LRRC8D: variants seen among roughly 807,000 people sequenced by gnomAD.
LRRC8D encodes the protein volume-regulated anion channel subunit LRRC8D.
A neutral mutation model predicts 55.8 loss-of-function variants in LRRC8D; 20 were observed. That is an observed-to-expected ratio of 0.36 (90% CI 0.25 to 0.52). The LOEUF is 0.52. Ranked by LOEUF, LRRC8D falls within the 20% of genes least tolerant of loss-of-function variation. The pLI, the probability that LRRC8D is intolerant of heterozygous loss-of-function variation, is 0.93. For synonymous variants in LRRC8D, 352 were observed against 377.0 expected (o/e 0.93, Z 0.77); for missense variants, 651 against 1,030.8 (o/e 0.63, Z 5.05).
At chr1:89,836,630 A>T (rs1252100658) in intron 1 of LRRC8D, among the ~76,000 whole-genome samples, 1 of 152,254 alleles carries the variant, frequency 6.6e-6, no homozygotes. Context: ...TGTGAAGTTC[A>T]GACCTGAAGT....
intron 1 of LRRC8D, among the ~76,000 whole-genome samples, chr1:89,829,223 C>G (rs1273933557): frequency 6.6e-6 from 1 of 152,242 alleles, no homozygotes; most frequent in Non-Finnish European, 1.5e-5. Context: ...TTAAGAAGTA[C>G]TTGGACAATG....
intron 1 of LRRC8D, among the ~76,000 whole-genome samples, chr1:89,825,483 A>T (rs1660740858): frequency 6.6e-6 from 1 of 152,252 alleles, no homozygotes; most frequent in African/African-American, 2.4e-5. Flanking sequence ...TTGCAGGGTT[A>T]GAGTTGCTTT....
chr1:89,861,227 C>T lies in LRRC8D; in HGVS notation c.-3+17445C>T, dbSNP rs1407110569. ...AGAAAAGCCCATGCTTAAATACCAC[C>T]TCTGTCCCCTGCTAACTGTGTGACC... On this transcript the variant is annotated intron_variant, in intron 2 of 2. Coordinates refer to ENST00000337338, the MANE Select transcript of LRRC8D (RefSeq NM_001134479.2). 3.3e-5 allele frequency among the ~76,000 whole-genome samples: 5 copies of T among 152,332 alleles called. No homozygotes were observed. In the South Asian group the frequency reaches 8.3e-4, roughly 25 times the overall value.
chr1:89,826,071 A>G (rs933520997), intron 1 of LRRC8D, among the ~76,000 whole-genome samples: 1 of 152,164 alleles, frequency 6.6e-6, no homozygotes, highest in South Asian at 2.1e-4. Context: ...GATGAAGGAT[A>G]TTCCAATGAA....
At chr1:89,874,678 A>G (rs1450324282) in intron 2 of LRRC8D, among the ~76,000 whole-genome samples, 1 of 152,208 alleles carries the variant, frequency 6.6e-6, no homozygotes, top group Non-Finnish European at 1.5e-5. Flanking sequence ...ATTATTATCT[A>G]GCAATGATGA....
intron 2 of LRRC8D, among the ~76,000 whole-genome samples, chr1:89,873,775 A>G (rs1662080713): frequency 6.6e-6 from 1 of 152,236 alleles, no homozygotes; most frequent in Non-Finnish European, 1.5e-5. Context: ...CATTCCTGAA[A>G]CAAATTTATA....
At chr1:89,834,043 GCTAGAGTAGGAGGGACA>G (rs1183748278) in intron 1 of LRRC8D, among the ~76,000 whole-genome samples, 1 of 152,192 alleles carries the variant, frequency 6.6e-6, no homozygotes, top group African/African-American at 2.4e-5. Flanking sequence ...AAACAGCCAA[GCTAGAGTAGGAGGGACA>G]CTGACGGGGT....
intron 1 of LRRC8D, among the ~76,000 whole-genome samples, chr1:89,841,326 C>T (rs2100737729): frequency 6.6e-6 from 1 of 151,954 alleles, no homozygotes; most frequent in Non-Finnish European, 1.5e-5. Context: ...CAATTCAAGT[C>T]TGTGAGGTGA....
Position 89,911,765 on chromosome 1 carries a change from G to C in LRRC8D, c.-2-21302G>C, listed in dbSNP as rs990677429. ...GTGACTCTCAGCTGCCAGATCCAGC[G>C]GTCACTTTTGCCCCTTAACGTGCGT... On this transcript the variant is annotated intron_variant, in intron 2 of 2. Transcript: ENST00000337338. The surrounding 1 kb of genome is among the most constrained non-coding windows in gnomAD (Gnocchi z 4.0). 7.2e-5 allele frequency among the ~76,000 whole-genome samples: 11 copies of C among 152,224 alleles called. No homozygotes were observed. Among genetic ancestry groups the C allele is most frequent in the Admixed American group, 2.0e-4 (3 of 15,290 alleles).
chr1:89,843,589 C>T (rs747396825), intron 1 of LRRC8D, 49 bp from the exon 2 acceptor site: 2 of 697,538 alleles, frequency 2.9e-6, no homozygotes, highest in African/African-American at 1.8e-5. Context: ...TCCCCGCTGC[C>T]GACACTTGGA....
In LRRC8D at chr1:89,922,387, C is replaced by A. The variant is rs115680615; in HGVS notation, c.-2-10680C>A. Among the ~76,000 whole-genome samples the A allele has an allele frequency of 3.7e-3, 564 of 152,232 alleles. 4 individuals carry two copies. Among genetic ancestry groups the A allele is most frequent in the African/African-American group, 0.013 (550 of 41,544 alleles). On this transcript the variant is annotated intron_variant, in intron 2 of 2. Coordinates refer to ENST00000337338, the MANE Select transcript of LRRC8D (RefSeq NM_001134479.2). ...GCCAATAATTTTGACTTAAATACAT[C>A]TAAAAGAATAAATAAAATTAAATGC...
chr1:89,821,545 C>T (rs1406373847), intron 1 of LRRC8D, among the ~76,000 whole-genome samples: 1 of 152,124 alleles, frequency 6.6e-6, no homozygotes, highest in Admixed American at 6.5e-5. Flanking sequence ...GCCGCTTCGG[C>T]CCCGGGCGGC....
At chr1:89,844,964 A>G (rs1330434695) in intron 2 of LRRC8D, among the ~76,000 whole-genome samples, 1 of 152,178 alleles carries the variant, frequency 6.6e-6, no homozygotes, top group Admixed American at 6.5e-5. Flanking sequence ...ATGTGAGCAT[A>G]TGACTAGAGG....
intron 1 of LRRC8D, among the ~76,000 whole-genome samples, chr1:89,836,842 C>T (rs1346406239): frequency 6.6e-6 from 1 of 152,152 alleles, no homozygotes; most frequent in Non-Finnish European, 1.5e-5. Context: ...CCTCATTTGC[C>T]CTCTTCACAC....
In LRRC8D at chr1:89,824,257, G is replaced by A. The variant is rs147807649; in HGVS notation, c.-148+2966G>A. ...TTGAAGGGAGGTGGTTCTTGACATG[G>A]GAGGAGTAATAACATTGAGCTTAGG... On this transcript the variant is annotated intron_variant, in intron 1 of 2. Coordinates refer to ENST00000337338, the MANE Select transcript of LRRC8D (RefSeq NM_001134479.2). Among the ~76,000 whole-genome samples the A allele has an allele frequency of 2.4e-3, 371 of 152,276 alleles. 6 individuals carry two copies. The highest frequency in any genetic ancestry group is 0.02 in the Admixed American group (311 of 15,292).
intron 2 of LRRC8D, among the ~76,000 whole-genome samples, chr1:89,879,203 A>G (rs1236369473): frequency 1.3e-5 from 2 of 152,220 alleles, no homozygotes; most frequent in Admixed American, 6.5e-5. Flanking sequence ...GTAAGCAATG[A>G]AAGAGTTTAT....
intron 2 of LRRC8D, among the ~76,000 whole-genome samples, chr1:89,856,184 C>T: frequency 6.6e-6 from 1 of 152,190 alleles, no homozygotes; most frequent in African/African-American, 2.4e-5. Flanking sequence ...AACCAGCTGA[C>T]TTTTTTTATC....
intron 2 of LRRC8D, among the ~76,000 whole-genome samples, chr1:89,890,951 G>A (rs1570862546): frequency 6.6e-6 from 1 of 152,038 alleles, no homozygotes; most frequent in East Asian, 1.9e-4. Flanking sequence ...GGGCGATTTC[G>A]GCACACTGCA....
chr1:89,842,877 A>T (rs1661169376), intron 1 of LRRC8D, among the ~76,000 whole-genome samples: 1 of 152,226 alleles, frequency 6.6e-6, no homozygotes, highest in Non-Finnish European at 1.5e-5. Context: ...CCATGCGATT[A>T]TGCTCCATGT....
Sources: gnomAD v4.1 joint callset for allele counts (sites outside exome capture counted in the v4.1 genomes callset) on GRCh38, gnomAD v4.1.1 for gene constraint, Gnocchi (gnomAD v3.1) non-coding constraint, MANE v1.5 for transcripts, NCBI Gene and HGNC (gene_info 2026-07-23, HGNC 2026-07-21) for gene names.